The following ATRNL1 variants were observed in gnomAD, a reference collection of about 807,000 sequenced individuals.
ATRNL1 encodes the protein attractin like 1, also known as attractin-like protein 1.
ATRNL1 carries 95 observed loss-of-function variants against 182.7 expected under a neutral mutation model. The ratio of observed to expected loss-of-function variants is 0.52; its 90% CI spans 0.44 to 0.62. The LOEUF is 0.62. Among genes scored for constraint, ATRNL1 ranks in the 20% least tolerant of loss-of-function variants. The probability of loss-of-function intolerance (pLI) is 0.00; values close to 1 mark genes in which losing one functional copy is unlikely to be tolerated. For synonymous variants in ATRNL1, 576 were observed against 568.3 expected, an observed-to-expected ratio of 1.01 and a Z score of -0.19; for missense variants, 1,471 against 1,679.5, an observed-to-expected ratio of 0.88 and a Z score of 2.17.
At chr10:115,360,277 T>C (rs1482791280) in intron 19 of ATRNL1, among the ~76,000 whole-genome samples, 4 of 151,852 alleles carry the variant, frequency 2.6e-5, no homozygotes, top group African/African-American at 7.2e-5. Flanking sequence ...TGTCTATTTC[T>C]AAGTGTAGAA....
chr10:115,631,523 C>T (rs1040805905), intron 26 of ATRNL1, among the ~76,000 whole-genome samples: 1 of 151,980 alleles, frequency 6.6e-6, no homozygotes, highest in Non-Finnish European at 1.5e-5. Flanking sequence ...CACATCAATC[C>T]TCTTAGGAAG....
At chr10:115,488,736 C>T (rs1240685428) in intron 24 of ATRNL1, among the ~76,000 whole-genome samples, 1 of 152,070 alleles carries the variant, frequency 6.6e-6, no homozygotes, top group Non-Finnish European at 1.5e-5. Flanking sequence ...TAGTTCTGCC[C>T]TGATCTTAGT....
intron 24 of ATRNL1, among the ~76,000 whole-genome samples, chr10:115,517,148 G>T (rs533303751): frequency 6.6e-6 from 1 of 151,922 alleles, no homozygotes; most frequent in South Asian, 2.1e-4. Context: ...AAAGAGATAT[G>T]CATGTTAATA....
intron 26 of ATRNL1, among the ~76,000 whole-genome samples, chr10:115,651,702 A>G (rs1555034382): frequency 6.6e-6 from 1 of 152,158 alleles, no homozygotes; most frequent in African/African-American, 2.4e-5. Context: ...TCTTTACATA[A>G]CCATCTTGCT....
intron 8 of ATRNL1, among the ~76,000 whole-genome samples, chr10:115,203,082 A>G (rs1304657384): frequency 6.6e-6 from 1 of 152,192 alleles, no homozygotes; most frequent in Non-Finnish European, 1.5e-5. Flanking sequence ...TATTGGAATA[A>G]GAGAATAGCT....
intron 26 of ATRNL1, among the ~76,000 whole-genome samples, chr10:115,720,131 G>A (rs185315584): frequency 8.9e-4 from 136 of 152,118 alleles, no homozygotes; most frequent in Non-Finnish European, 1.4e-3. Context: ...CCAAAGTGCT[G>A]GGATTATAGG....
intron 26 of ATRNL1, among the ~76,000 whole-genome samples, chr10:115,596,881 G>A (rs1309747242): frequency 1.3e-5 from 2 of 151,824 alleles, no homozygotes; most frequent in Admixed American, 6.6e-5. Context: ...CTAGTTATTG[G>A]TATCCTAAAA....
At chr10:115,227,366 A>G (rs11197126) in intron 9 of ATRNL1, among the ~76,000 whole-genome samples, 32,991 of 152,030 alleles carry the variant, frequency 0.22, 4,572 homozygotes, top group Non-Finnish European at 0.31. Flanking sequence ...GTATCACACC[A>G]GTCAGAATGG....
chr10:115,194,265 A>T (rs915329088), intron 8 of ATRNL1, among the ~76,000 whole-genome samples: 1 of 151,962 alleles, frequency 6.6e-6, no homozygotes, highest in Non-Finnish European at 1.5e-5. Flanking sequence ...TTCTGTCTGG[A>T]TGATCTGTCC....
At chr10:115,868,923 A>T (rs4237490) in intron 28 of ATRNL1, among the ~76,000 whole-genome samples, 1 of 148,512 alleles carries the variant, frequency 6.7e-6, no homozygotes, top group Non-Finnish European at 1.5e-5. Flanking sequence ...TCCGCCTCCC[A>T]GGTTCACGCC....
chr10:115,355,468 C>A (rs113565505), intron 19 of ATRNL1, among the ~76,000 whole-genome samples: 1 of 152,016 alleles, frequency 6.6e-6, no homozygotes, highest in Non-Finnish European at 1.5e-5. Flanking sequence ...AGGCAAAGTC[C>A]CTTTCTGTCT....
intron 22 of ATRNL1, among the ~76,000 whole-genome samples, chr10:115,462,973 T>G (rs531836404): frequency 7.2e-5 from 11 of 152,012 alleles, no homozygotes; most frequent in Non-Finnish European, 1.5e-4. Context: ...TCGGGTTGAA[T>G]TTTAGTTCTT....
At chr10:115,643,919 A>T (rs782671095) in intron 26 of ATRNL1, among the ~76,000 whole-genome samples, 3 of 152,188 alleles carry the variant, frequency 2.0e-5, no homozygotes, top group Non-Finnish European at 4.4e-5. Flanking sequence ...GTTTTTAAGT[A>T]TAGTTAAGCA....
chr10:115,537,839 T>C (rs938529710), intron 25 of ATRNL1, among the ~76,000 whole-genome samples: 1 of 152,140 alleles, frequency 6.6e-6, no homozygotes, highest in Non-Finnish European at 1.5e-5. Flanking sequence ...TACAGAACAA[T>C]GCCAAAGCCC....
At chr10:115,941,467 A>C (rs1392258891) in intron 28 of ATRNL1, among the ~76,000 whole-genome samples, 1 of 152,180 alleles carries the variant, frequency 6.6e-6, no homozygotes, top group Non-Finnish European at 1.5e-5. Context: ...TCCCGATGCT[A>C]TATCTTCTGT....
intron 27 of ATRNL1, among the ~76,000 whole-genome samples, chr10:115,818,214 A>G (rs1448809143): frequency 6.8e-6 from 1 of 146,782 alleles, no homozygotes; most frequent in African/African-American, 2.5e-5. Context: ...ACAGTCAGCC[A>G]ATGCTTTACT....
At chr10:115,135,530 A>G (rs570608203) in intron 5 of ATRNL1, among the ~76,000 whole-genome samples, 60 of 152,358 alleles carry the variant, frequency 3.9e-4, no homozygotes, top group African/African-American at 1.3e-3. Flanking sequence ...TCAACGAAAT[A>G]AAAGAGGATA....
At chr10:115,277,105 T>C (rs1852139833) in intron 13 of ATRNL1, among the ~76,000 whole-genome samples, 1 of 152,022 alleles carries the variant, frequency 6.6e-6, no homozygotes, top group African/African-American at 2.4e-5. Context: ...AACTATACTG[T>C]AATGATTATA....
intron 19 of ATRNL1, among the ~76,000 whole-genome samples, chr10:115,389,099 A>T (rs990344545): frequency 3.3e-5 from 5 of 151,978 alleles, no homozygotes. Flanking sequence ...TCATCATTCT[A>T]CTTTCTTCTT....
Sources: gnomAD v4.1 joint callset for allele counts (sites outside exome capture counted in the v4.1 genomes callset) on GRCh38, gnomAD v4.1.1 for gene constraint, MANE v1.5 for transcripts, NCBI Gene and HGNC (gene_info 2026-07-23, HGNC 2026-07-21) for gene names.